Variants in ITSN2 observed in about 807,000 individuals in gnomAD.
The protein encoded by ITSN2 is intersectin-2.
In ITSN2, 156 loss-of-function variants were observed where a neutral mutation model predicts 243.7. The observed-to-expected ratio is 0.64, with a 90% CI of 0.56 to 0.73. The LOEUF is 0.73. ITSN2 is among the 30% of genes least tolerant of loss of function. ITSN2 has a pLI of 0.00. For synonymous variants in ITSN2, 703 were observed against 699.9 expected, an observed-to-expected ratio of 1.00 and a Z score of -0.07; for missense variants, 1,801 against 1,996.1, an observed-to-expected ratio of 0.90 and a Z score of 1.86.
chr2:24,266,872 G>C (rs1328098359), intron 20 of ITSN2, among the ~76,000 whole-genome samples: 2 of 151,852 alleles, frequency 1.3e-5, no homozygotes, highest in African/African-American at 4.8e-5. Context: ...GGGTGGTCGA[G>C]GCTGTAGTGA....
chr2:24,308,308 G>A (rs1279126697), intron 8 of ITSN2, among the ~76,000 whole-genome samples: 1 of 152,182 alleles, frequency 6.6e-6, no homozygotes, highest in Non-Finnish European at 1.5e-5. Context: ...CTTGTGACCC[G>A]TGGCTCTCCA....
At chr2:24,312,902 TA>T (rs1455827859) in intron 4 of ITSN2, among the ~76,000 whole-genome samples, 1 of 152,092 alleles carries the variant, frequency 6.6e-6, no homozygotes, top group Non-Finnish European at 1.5e-5. Flanking sequence ...AACTACAAAA[TA>T]ACAGAAAGAG....
intron 16 of ITSN2, 139 bp from the exon 17 acceptor site, chr2:24,284,982 C>A (rs575702188): frequency 4.5e-5 from 23 of 511,142 alleles, no homozygotes; most frequent in Middle Eastern, 5.8e-4. Context: ...CTGCAACCTC[C>A]ACCTCCCGGG....
chr2:24,245,787 A>G (rs1307808358), intron 29 of ITSN2, among the ~76,000 whole-genome samples: 2 of 152,096 alleles, frequency 1.3e-5, no homozygotes, highest in Non-Finnish European at 2.9e-5. Context: ...GCCACTAGCT[A>G]CTTTTTATTA....
At chr2:24,276,505 T>A (rs1408327740) in intron 17 of ITSN2, among the ~76,000 whole-genome samples, 1 of 152,182 alleles carries the variant, frequency 6.6e-6, no homozygotes, top group African/African-American at 2.4e-5. Context: ...GTTCACAATC[T>A]CAATGTAGAG....
At chr2:24,253,349 C>T (rs1187196901) in intron 24 of ITSN2, among the ~76,000 whole-genome samples, 4 of 84,482 alleles carry the variant, frequency 4.7e-5, no homozygotes, top group Admixed American at 1.2e-4. Flanking sequence ...GGTTTAGGTA[C>T]GCTGCAATAA....
At chr2:24,277,382 ATAG>A (rs1022989556) in intron 17 of ITSN2, among the ~76,000 whole-genome samples, 7 of 152,256 alleles carry the variant, frequency 4.6e-5, no homozygotes, top group South Asian at 2.1e-4. Context: ...CTTGATTGAA[ATAG>A]TAGATTTGAT....
Position 24,282,013 on chromosome 2 carries a change from GA to G in ITSN2, c.1944+2749del, listed in dbSNP as rs143423701. On this transcript the variant is annotated intron_variant, in intron 17 of 39. Transcript: ENST00000355123. ...GTGGGCCAGGGAAGTACTGGGTAGA[GA>G]AAGGCGGGTCCCTGGCTAGGGCTTC... is the stretch of plus-strand genomic sequence containing the variant. 7.2e-3 allele frequency among the ~76,000 whole-genome samples: 1,100 copies of G among 152,352 alleles called. 8 individuals are homozygous for G. The highest frequency in any genetic ancestry group is 0.025 in the African/African-American group (1,059 of 41,570).
At chr2:24,224,167 C>T (rs1670794399) in intron 29 of ITSN2, among the ~76,000 whole-genome samples, 1 of 152,174 alleles carries the variant, frequency 6.6e-6, no homozygotes, top group South Asian at 2.1e-4. Flanking sequence ...GGAGGGAACT[C>T]AGACCAGTTT....
At chr2:24,261,310 ACC>A in intron 21 of ITSN2, 60 bp from the exon 22 acceptor site, 2 of 1,260,614 alleles carry the variant, frequency 1.6e-6, no homozygotes, top group Non-Finnish European at 2.2e-6. Flanking sequence ...ATGAAGTACT[ACC>A]AATTTATCAA....
At chr2:24,354,929 T>C (rs943907295) in intron 1 of ITSN2, among the ~76,000 whole-genome samples, 5 of 152,236 alleles carry the variant, frequency 3.3e-5, no homozygotes, top group Non-Finnish European at 5.9e-5. Context: ...TCCTGATGTA[T>C]CTATGAAATT....
chr2:24,205,290 G>A lies in ITSN2; in HGVS notation c.4686C>T (p.Ser1562=), dbSNP rs1181898919. The A allele has an allele frequency of 1.1e-5, 18 of 1,613,552 alleles. 1 individual carries two copies. Among genetic ancestry groups the A allele is most frequent in the Middle Eastern group, 1.7e-4 (1 of 6,058 alleles). ...GGCGCCCAATGCCTGAAGTCTTTTG[G>A]GAGCGGGCTACAAAAGAGGAAGACA... is the stretch of plus-strand genomic sequence containing the variant. ...KKREKAYQAR[S]QKTSGIGRLM... Residue 1562 remains serine (S), a synonymous_variant, in exon 38 of 40, where the codon TCC becomes TCT. Coordinates refer to ENST00000355123, the MANE Select transcript of ITSN2 (RefSeq NM_006277.3).
At position 24,337,315 on chromosome 2, in the gene ITSN2, A is replaced by AATATATATATATATATATATAT. The variant is rs201712131; in HGVS notation, c.-33-9222_-33-9201dup. Among the ~76,000 whole-genome samples the AATATATATATATATATATATAT allele has an allele frequency of 1.8e-3, 58 of 31,918 alleles. 1 individual carries two copies. The highest frequency in any genetic ancestry group is 2.1e-3 in the Non-Finnish European group (37 of 17,572). The allele number at this position is 31,918 out of a possible 152,430, so 20.9% of individuals were successfully genotyped here. On this transcript the variant is annotated intron_variant, in intron 1 of 39. Transcript: ENST00000355123. ...TGTGTGTGTGTGTGTGTATACACAA[A>AATATATATATATATATATATAT]ATATATATATATATATATATATATA... is the stretch of plus-strand genomic sequence containing the variant.
In ITSN2 at chr2:24,204,336, C is replaced by T. The variant is rs1195046264; in HGVS notation, c.4845G>A (p.Lys1615=). The T allele has an allele frequency of 6.2e-7, 1 of 1,614,198 alleles. No homozygotes were observed. Among genetic ancestry groups the T allele is most frequent in the East Asian group, 2.2e-5 (1 of 44,892 alleles). ...TRTIQDTLNP[K]WNFNCQFFIK... ...TAAAGAACTGGCAGTTAAAATTCCA[C>T]TTGGGATTGAGTGTGTCCTGGATGG... The change falls in exon 39 of 40, where the codon AAG becomes AAA. Residue 1615 remains lysine, a synonymous_variant. Transcript: ENST00000355123. The surrounding 1 kb of genome is among the most constrained non-coding windows in gnomAD (Gnocchi z 5.1).
In ITSN2 at chr2:24,217,930, G is replaced by T; in HGVS notation, c.3783C>A (p.Ile1261=). The change falls in exon 31 of 40, where the codon ATC becomes ATA. Residue 1261 remains isoleucine, a synonymous_variant. Transcript: ENST00000355123. ...ACTTCAGCAGCTTTGTGTTGGACAT[G>T]ATGAGCTCCTTCCAGTTAACAAAAA... The part of the protein sequence containing the change: ...ALIFVNWKEL[I]MSNTKLLKAL... 1 of 1,613,566 alleles carries T rather than the reference G, an allele frequency of 6.2e-7. No individual in the cohort carries two copies. The highest frequency in any genetic ancestry group is 8.5e-7 in the Non-Finnish European group (1 of 1,179,496).
chr2:24,342,963 T>C (rs1004809968), intron 1 of ITSN2, among the ~76,000 whole-genome samples: 2 of 151,778 alleles, frequency 1.3e-5, no homozygotes, highest in African/African-American at 4.8e-5. Flanking sequence ...AGGTGGCATG[T>C]GCCTGTGGTC....
intron 3 of ITSN2, among the ~76,000 whole-genome samples, chr2:24,313,750 G>A (rs1246702169): frequency 6.6e-6 from 1 of 152,172 alleles, no homozygotes; most frequent in Non-Finnish European, 1.5e-5. Context: ...AATCAGTGAT[G>A]AAAGATGATT....
chr2:24,357,490 G>T (rs1688556834), intron 1 of ITSN2, among the ~76,000 whole-genome samples: 1 of 152,158 alleles, frequency 6.6e-6, no homozygotes, highest in Non-Finnish European at 1.5e-5. Flanking sequence ...GGCAATGAGG[G>T]AAGGGGACTT....
Position 24,212,684 on chromosome 2 carries a change from TGCATGGGTTTCA to T in ITSN2, c.4043_4054del (p.Leu1348_Met1351del). The T allele has an allele frequency of 6.2e-7, 1 of 1,613,428 alleles. No homozygotes were observed. The highest frequency in any genetic ancestry group is 8.5e-7 in the Non-Finnish European group (1 of 1,179,796). On this transcript the variant is annotated inframe_deletion, in exon 33 of 40. Transcript: ENST00000355123. The stretch of plus-strand genomic sequence containing the variant: ...GAGCAGTGGGTAGCGGGTGATCCTC[TGCATGGGTTTCA>T]GCAGGAAGCTGGAGAGGGGCATTCC...
Sources: gnomAD v4.1 joint callset for allele counts (sites outside exome capture counted in the v4.1 genomes callset) on GRCh38, gnomAD v4.1.1 for gene constraint, Gnocchi (gnomAD v3.1) non-coding constraint, MANE v1.5 for transcripts, NCBI Gene and HGNC (gene_info 2026-07-23, HGNC 2026-07-21) for gene names.